PUDP: variants seen among roughly 807,000 people sequenced by gnomAD.
PUDP encodes the protein pseudouridine 5'-phosphatase.
In PUDP, 8 loss-of-function variants were observed where a neutral mutation model predicts 9.4. The observed-to-expected ratio is 0.85, with a 90% confidence interval of 0.50 to 1.53. The LOEUF is 1.53. PUDP is among the 40% of genes most tolerant of loss of function. The pLI, the probability that PUDP is intolerant of heterozygous loss-of-function variation, is 0.00. For missense variants in PUDP, 188 were observed against 189.7 expected (o/e 0.99, Z 0.05); for synonymous variants, 99 against 80.7 (o/e 1.23, Z -1.22).
intron 3 of PUDP, among the ~76,000 whole-genome samples, chrX:6,820,628 G>A (rs772589286): frequency 9.0e-6 from 1 of 111,507 alleles, no homozygotes; most frequent in Admixed American, 9.5e-5. Context: ...AATCCAGCAG[G>A]GCAGTCAAAT....
intron 1 of PUDP, among the ~76,000 whole-genome samples, chrX:6,992,875 A>G (rs1449328209): frequency 8.9e-6 from 1 of 111,753 alleles, no homozygotes; most frequent in Non-Finnish European, 1.9e-5. Flanking sequence ...CAGCTAGGAT[A>G]AAAGCAGGTA....
At chrX:6,918,663 G>A (rs190382161) in intron 3 of PUDP, among the ~76,000 whole-genome samples, 85 of 111,814 alleles carry the variant, frequency 7.6e-4, no homozygotes, top group South Asian at 7.6e-4. Flanking sequence ...GTCTAGTGAG[G>A]TCTGTTTCCT....
Position 7,041,845 on chromosome X carries a change from A to T in PUDP, c.204+35375T>A, listed in dbSNP as rs752465726. 1.4e-3 allele frequency among the ~76,000 whole-genome samples: 126 copies of T among 92,572 alleles called. 2 individuals carry two copies. Among genetic ancestry groups the T allele is most frequent in the Non-Finnish European group, 1.7e-3 (80 of 48,105 alleles). 80.4% of individuals were successfully genotyped at this position (92,572 alleles called of 115,157 possible). On this transcript the variant is annotated intron_variant and NMD_transcript_variant, in intron 1 of 3. Coordinates refer to the PUDP transcript ENST00000655425. The stretch of plus-strand genomic sequence containing the variant: ...TGACCCTCATATCATCTCAGCTTCT[A>T]CTTCCCAGTCTCTCTCTCTCTCTTT...
At chrX:7,136,927 C>T (rs1463845598) in intron 1 of PUDP, among the ~76,000 whole-genome samples, 1 of 111,497 alleles carries the variant, frequency 9.0e-6, no homozygotes, top group East Asian at 2.8e-4. Flanking sequence ...AACATAGGAC[C>T]CCAATGACAA....
Position 6,940,340 on chromosome X carries a change from C to G in PUDP, c.*247+36793G>C, listed in dbSNP as rs1441724827. Among the ~76,000 whole-genome samples the G allele has an allele frequency of 2.7e-5, 3 of 112,591 alleles. No individual in the cohort carries two copies. The East Asian group carries it at 8.4e-4, about 31-fold the overall frequency. ...GTGGCGACAAGGACCATATGGCTCACAAAGAGAAAATTATTTAATTTCTGG... is the reference window on the plus strand; with the variant it reads ...GTGGCGACAAGGACCATATGGCTCAGAAAGAGAAAATTATTTAATTTCTGG... On this transcript the variant is annotated intron_variant and NMD_transcript_variant, in intron 3 of 3. Coordinates refer to the PUDP transcript ENST00000655425.
At chrX:6,956,088 C>T (rs946754456) in intron 3 of PUDP, among the ~76,000 whole-genome samples, 3 of 112,290 alleles carry the variant, frequency 2.7e-5, no homozygotes, top group Non-Finnish European at 5.6e-5. Context: ...CTCGCTCTGT[C>T]GCCCAGGCTG....
chrX:6,719,507 G>T (rs1360131604), intron 1 of PUDP, among the ~76,000 whole-genome samples: 1 of 112,262 alleles, frequency 8.9e-6, no homozygotes, highest in African/African-American at 3.2e-5. Context: ...GTTGTTTTAA[G>T]TTGCTACTTT....
intron 3 of PUDP, among the ~76,000 whole-genome samples, chrX:6,821,705 C>G (rs1926344855): frequency 8.9e-6 from 1 of 112,077 alleles, no homozygotes; most frequent in Admixed American, 9.4e-5. Context: ...CAAAGAGCAG[C>G]CTGAAAAATC....
At chrX:7,010,446 T>C (rs1002044027) in intron 1 of PUDP, among the ~76,000 whole-genome samples, 1 of 111,849 alleles carries the variant, frequency 8.9e-6, no homozygotes, top group African/African-American at 3.3e-5. Context: ...CAAGGGCAGA[T>C]TGTTATGAAC....
At chrX:6,720,077 GAATAGATA>G (rs1297705718) in intron 1 of PUDP, among the ~76,000 whole-genome samples, 1 of 105,401 alleles carries the variant, frequency 9.5e-6, no homozygotes, top group East Asian at 3.0e-4. Context: ...ACCAATAGAT[GAATAGATA>G]AAGAAAATGT....
At chrX:7,037,112 G>T (rs1042367529) in intron 1 of PUDP, among the ~76,000 whole-genome samples, 2 of 111,157 alleles carry the variant, frequency 1.8e-5, no homozygotes, top group Non-Finnish European at 3.8e-5. Context: ...CATCTTTTTG[G>T]ACTAGAATTT....
intron 3 of PUDP, among the ~76,000 whole-genome samples, chrX:6,783,024 G>A (rs1245497248): frequency 9.0e-6 from 1 of 111,519 alleles, no homozygotes; most frequent in African/African-American, 3.3e-5. Flanking sequence ...CTAGGAAAAT[G>A]AGGCTGGAAC....
intron 1 of PUDP, 43 bp downstream of exon 1, chrX:7,148,010 A>G: frequency 9.3e-7 from 1 of 1,080,514 alleles, no homozygotes; most frequent in Non-Finnish European, 1.2e-6. Context: ...CCACGCCCAC[A>G]CAAGACCGCC....
intron 3 of PUDP, among the ~76,000 whole-genome samples, chrX:6,843,854 T>C (rs901935190): frequency 4.6e-4 from 52 of 112,914 alleles, no homozygotes; most frequent in Admixed American, 3.1e-3. Context: ...TTAGGAAGCA[T>C]TGAATATTTA....
intron 1 of PUDP, among the ~76,000 whole-genome samples, chrX:6,718,056 TGTTGA>T (rs1000580221): frequency 4.5e-5 from 5 of 111,699 alleles, no homozygotes; most frequent in African/African-American, 9.8e-5. Context: ...TTTTTTTTCT[TGTTGA>T]GTTATTTGAG....
intron 1 of PUDP, among the ~76,000 whole-genome samples, chrX:6,999,893 A>AT (rs1040310485): frequency 1.8e-5 from 2 of 111,043 alleles, no homozygotes; most frequent in Admixed American, 1.9e-4. Flanking sequence ...AGTATTAAAT[A>AT]TTTTTTAAAA....
intron 3 of PUDP, among the ~76,000 whole-genome samples, chrX:6,882,435 A>G (rs1277780998): frequency 3.6e-5 from 4 of 111,791 alleles, no homozygotes; most frequent in Non-Finnish European, 7.5e-5. Flanking sequence ...TGTAATGGTT[A>G]GCAGTCCCCT....
chrX:6,956,215 A>G (rs1354996655), intron 3 of PUDP, among the ~76,000 whole-genome samples: 3 of 111,499 alleles, frequency 2.7e-5, no homozygotes, highest in Non-Finnish European at 5.6e-5. Flanking sequence ...ACGCCCAGCT[A>G]ACTTTTTTGT....
At chrX:7,060,460 G>A (rs1374540937) in intron 3 of PUDP, among the ~76,000 whole-genome samples, 2 of 112,005 alleles carry the variant, frequency 1.8e-5, no homozygotes, top group Non-Finnish European at 3.8e-5. Context: ...TCCAGAAAAA[G>A]GAGATTCCTC....
Sources: gnomAD v4.1 joint callset for allele counts (sites outside exome capture counted in the v4.1 genomes callset) on GRCh38, gnomAD v4.1.1 for gene constraint, MANE v1.5 for transcripts, NCBI Gene and HGNC (gene_info 2026-07-23, HGNC 2026-07-21) for gene names.